LRRC8B: variants seen among roughly 807,000 people sequenced by gnomAD.
LRRC8B encodes the protein volume-regulated anion channel subunit LRRC8B.
LRRC8B carries 23 observed loss-of-function variants against 58.8 expected under a neutral mutation model. The ratio of observed to expected loss-of-function variants is 0.39; its 90% confidence interval spans 0.28 to 0.55. LRRC8B has a LOEUF of 0.55. Ranked by LOEUF, LRRC8B falls within the 20% of genes least tolerant of loss-of-function variation. LRRC8B has a pLI of 0.62. For synonymous variants in LRRC8B, 359 were observed against 374.1 expected (o/e 0.96, Z 0.47); for missense variants, 694 against 936.0 (o/e 0.74, Z 3.37).
intron 1 of LRRC8B, among the ~76,000 whole-genome samples, chr1:89,525,786 A>G (rs574058235): frequency 1.2e-4 from 18 of 152,310 alleles, no homozygotes; most frequent in African/African-American, 4.1e-4. Flanking sequence ...TTTGTGGTCA[A>G]AAAGACACCC....
chr1:89,557,755 G>A (rs1652298808), intron 1 of LRRC8B, among the ~76,000 whole-genome samples: 1 of 152,160 alleles, frequency 6.6e-6, no homozygotes, highest in Admixed American at 6.5e-5. Flanking sequence ...TTATTTATAT[G>A]TTTTTCCTAA....
intron 1 of LRRC8B, among the ~76,000 whole-genome samples, chr1:89,528,306 T>C (rs1420009512): frequency 6.6e-6 from 1 of 152,230 alleles, no homozygotes; most frequent in Non-Finnish European, 1.5e-5. Flanking sequence ...TCATCTCTCA[T>C]GGAGACCACA....
intron 1 of LRRC8B, among the ~76,000 whole-genome samples, chr1:89,538,612 GTAAC>G (rs1272278135): frequency 2.0e-5 from 3 of 152,168 alleles, no homozygotes; most frequent in Admixed American, 6.5e-5. Flanking sequence ...GTACTACAAA[GTAAC>G]TAAATATTTT....
intron 5 of LRRC8B, 87 bp downstream of exon 5, chr1:89,584,876 C>T: frequency 1.1e-6 from 1 of 952,130 alleles, no homozygotes; most frequent in Non-Finnish European, 1.6e-6. Flanking sequence ...TCAAATCATA[C>T]TGTGTGTTCT....
chr1:89,546,890 C>T (rs545718615), intron 1 of LRRC8B, among the ~76,000 whole-genome samples: 1 of 152,244 alleles, frequency 6.6e-6, no homozygotes, highest in South Asian at 2.1e-4. Flanking sequence ...GTATATGATT[C>T]AGTAATGATT....
chr1:89,589,512 AG>A lies in LRRC8B; in HGVS notation c.2140-3258del, dbSNP rs1198362892. 3.3e-5 allele frequency among the ~76,000 whole-genome samples: 5 copies of A among 151,722 alleles called. No homozygotes were observed. In the East Asian group the frequency reaches 9.7e-4, roughly 29 times the overall value. On this transcript the variant is annotated intron_variant, in intron 5 of 5. Coordinates refer to ENST00000330947, the MANE Select transcript of LRRC8B (RefSeq NM_001369817.2). ...ATTGAGCTAGGTTTGCTGAAATCTT[AG>A]ACCAGTCCAATTTACACCTAGGTCT...
intron 1 of LRRC8B, among the ~76,000 whole-genome samples, chr1:89,534,740 T>C (rs1008619784): frequency 7.9e-5 from 12 of 152,228 alleles, no homozygotes; most frequent in African/African-American, 2.7e-4. Context: ...GAAGTCAGTA[T>C]AATTCCATTC....
chr1:89,534,395 A>G (rs375973791), intron 1 of LRRC8B, among the ~76,000 whole-genome samples: 1 of 152,324 alleles, frequency 6.6e-6, no homozygotes, highest in African/African-American at 2.4e-5. Flanking sequence ...TAGAAAAGTC[A>G]GGAATTTTAC....
At chr1:89,547,763 A>G (rs995269278) in intron 1 of LRRC8B, among the ~76,000 whole-genome samples, 1 of 151,030 alleles carries the variant, frequency 6.6e-6, no homozygotes, top group African/African-American at 2.4e-5. Flanking sequence ...GGAATCCACT[A>G]GAGCCTTCCC....
At chr1:89,592,730 A>G (rs1253995124) in intron 5 of LRRC8B, 41 bp from the exon 6 acceptor site, 1 of 1,582,992 alleles carries the variant, frequency 6.3e-7, no homozygotes, top group Admixed American at 1.8e-5. Flanking sequence ...ATAAGCCACC[A>G]AAAACCTATT....
intron 3 of LRRC8B, among the ~76,000 whole-genome samples, chr1:89,569,733 G>A (rs552511107): frequency 2.0e-4 from 31 of 151,708 alleles, no homozygotes; most frequent in Non-Finnish European, 1.0e-4. Context: ...TTTTAAGTTC[G>A]GAGGTACATG....
chr1:89,543,862 A>G (rs574623369), intron 1 of LRRC8B, among the ~76,000 whole-genome samples: 2 of 149,922 alleles, frequency 1.3e-5, no homozygotes, highest in African/African-American at 4.9e-5. Context: ...GTCATGGCTC[A>G]CTCCAGCCCC....
intron 1 of LRRC8B, among the ~76,000 whole-genome samples, chr1:89,562,150 AACACACAC>A (rs59568247): frequency 2.9e-5 from 4 of 139,526 alleles, no homozygotes; most frequent in Admixed American, 7.3e-5. Flanking sequence ...CACCTCCCAA[AACACACAC>A]ACACACACAC....
intron 1 of LRRC8B, among the ~76,000 whole-genome samples, chr1:89,544,175 G>A (rs1228530824): frequency 2.6e-5 from 4 of 152,110 alleles, no homozygotes; most frequent in African/African-American, 9.7e-5. Context: ...GTGCAGTAGG[G>A]TTTCATGAGA....
chr1:89,566,743 C>T (rs1264503927), intron 1 of LRRC8B, among the ~76,000 whole-genome samples: 2 of 152,204 alleles, frequency 1.3e-5, no homozygotes, highest in African/African-American at 4.8e-5. Flanking sequence ...ACAAGAACAT[C>T]AAGAGTAAGA....
intron 1 of LRRC8B, among the ~76,000 whole-genome samples, chr1:89,537,670 A>G (rs1570561749): frequency 6.6e-6 from 1 of 152,032 alleles, no homozygotes; most frequent in Admixed American, 6.6e-5. Context: ...ACAGGGTTTC[A>G]CCATGTTGGC....
chr1:89,574,479 A>G (rs1388205753), intron 3 of LRRC8B, among the ~76,000 whole-genome samples: 1 of 152,214 alleles, frequency 6.6e-6, no homozygotes, highest in Admixed American at 6.5e-5. Context: ...CAGCAAGACC[A>G]TGACCTACAG....
intron 1 of LRRC8B, among the ~76,000 whole-genome samples, chr1:89,546,002 G>A (rs914599844): frequency 2.0e-5 from 3 of 152,174 alleles, no homozygotes; most frequent in Admixed American, 6.5e-5. Flanking sequence ...TGGGTAAATG[G>A]TATATGGGGG....
At chr1:89,573,076 G>A (rs1387607631) in intron 3 of LRRC8B, among the ~76,000 whole-genome samples, 2 of 152,020 alleles carry the variant, frequency 1.3e-5, no homozygotes, top group South Asian at 2.1e-4. Context: ...TGAGGTGGGC[G>A]GATCACGAGG....
Sources: allele counts gnomAD v4.1 joint callset (sites outside exome capture counted in the v4.1 genomes callset), GRCh38; gene constraint gnomAD v4.1.1; transcripts MANE v1.5; gene names NCBI Gene and HGNC (gene_info 2026-07-23, HGNC 2026-07-21).